CTSE: variants seen among roughly 807,000 people sequenced by gnomAD.
The protein encoded by CTSE is cathepsin E.
A neutral mutation model predicts 42.8 loss-of-function variants in CTSE; 43 were observed. That is an observed-to-expected ratio of 1.01 (90% CI 0.79 to 1.30). The LOEUF is 1.30. Ranked by LOEUF, CTSE falls within the 50% of genes most tolerant of loss-of-function variation. CTSE has a pLI of 0.00. For synonymous variants in CTSE, 205 were observed against 191.5 expected, an observed-to-expected ratio of 1.07 and a Z score of -0.58; for missense variants, 532 against 493.5, an observed-to-expected ratio of 1.08 and a Z score of -0.74.
Position 206,021,090 on chromosome 1 carries a change from T to C in CTSE, c.421A>G (p.Thr141Ala), listed in dbSNP as rs531080133. 1.9e-6 allele frequency: 3 copies of C among 1,613,604 alleles called. No individual in the cohort carries two copies. The highest frequency in any genetic ancestry group is 4.5e-5 in the East Asian group (2 of 44,882). Reference protein sequence around the residue: ...PGQSFSIQYGTGSLSGIIGAD... With the variant: ...PGQSFSIQYGAGSLSGIIGAD... ...CCAATGATCCCGGACAAGCTCCCGG[T>C]TCCATACTGAATGGAGAAAGATTGA... is the stretch of plus-strand genomic sequence containing the variant. The change falls in exon 4 of 9, where the codon ACC becomes GCC. Residue 141 changes from threonine to alanine, a missense_variant. Coordinates refer to ENST00000358184, the MANE Select transcript of CTSE (RefSeq NM_001910.4).
intron 8 of CTSE, among the ~76,000 whole-genome samples, chr1:206,010,841 T>C (rs1205971624): frequency 6.6e-6 from 1 of 152,108 alleles, no homozygotes; most frequent in Non-Finnish European, 1.5e-5. Flanking sequence ...TGACCCCCTT[T>C]AGATGAGGCA....
At chr1:206,016,892 C>T (rs556142734) in intron 4 of CTSE, among the ~76,000 whole-genome samples, 1 of 152,150 alleles carries the variant, frequency 6.6e-6, no homozygotes, top group South Asian at 2.1e-4. Context: ...TGGTGTATTA[C>T]ATATCCATAT....
Position 206,009,762 on chromosome 1 carries a change from A to G in CTSE, c.*421T>C, listed in dbSNP as rs1661030618. The G allele has an allele frequency of 5.4e-6, 1 of 185,264 alleles. No individual in the cohort carries two copies. Among genetic ancestry groups the G allele is most frequent in the African/African-American group, 2.4e-5 (1 of 42,348 alleles). The allele number at this position is 185,264 out of a possible 1,614,324, so 11.5% of individuals were successfully genotyped here. A position where few individuals can be genotyped will look rare whatever the true frequency, so the allele number is the denominator to read the frequency against. ...AGGTACAGCATGTGGAGCTGGAGAGAGGAGTGGGCAGCAGTGTAGATAAAC... is the reference window on the plus strand; with the variant it reads ...AGGTACAGCATGTGGAGCTGGAGAGGGGAGTGGGCAGCAGTGTAGATAAAC... On this transcript the variant is annotated 3_prime_UTR_variant, in exon 9 of 9. Coordinates refer to ENST00000358184, the MANE Select transcript of CTSE (RefSeq NM_001910.4).
chr1:206,015,920 A>G lies in CTSE; in HGVS notation c.662+11T>C. The G allele has an allele frequency of 6.2e-7, 1 of 1,612,736 alleles. No homozygotes were observed. Among genetic ancestry groups the G allele is most frequent in the Non-Finnish European group, 8.5e-7 (1 of 1,178,910 alleles). Reference sequence around the variant, plus strand: ...AACTGACTTTAACCTCACAGACTTGATGGGCCTTACCTGCTCATGTAGACA... The same window carrying G: ...AACTGACTTTAACCTCACAGACTTGGTGGGCCTTACCTGCTCATGTAGACA... On this transcript the variant is annotated intron_variant, in intron 5 of 8. Transcript: ENST00000358184.
rs1661527023 is a variant in CTSE, at chr1:206,023,838, TC to T, written c.-48del. ...CTCCCTTGCCCCCTCCTTTCTTCTC[TC>T]CCCGAGGGCAGTGGGAACGGACTTT... On this transcript the variant is annotated 5_prime_UTR_variant, in exon 1 of 9. Transcript: ENST00000358184. 7.5e-6 allele frequency: 12 copies of T among 1,594,536 alleles called. No homozygotes were observed. The highest frequency in any genetic ancestry group is 9.5e-6 in the Non-Finnish European group (11 of 1,163,174).
intron 7 of CTSE, 32 bp from the exon 8 acceptor site, chr1:206,012,438 C>T (rs782021685): frequency 6.2e-7 from 1 of 1,613,596 alleles, no homozygotes; most frequent in African/African-American, 1.3e-5. Context: ...CCGTTTAGAG[C>T]CTTGCCACCT....
At chr1:206,023,637 C>A (rs1661517599) in intron 1 of CTSE, 87 bp downstream of exon 1, 3 of 1,277,988 alleles carry the variant, frequency 2.3e-6, no homozygotes, top group Non-Finnish European at 2.3e-6. Flanking sequence ...CTCTTCACCT[C>A]CCCATCAGCT....
chr1:206,013,995 C>T (rs2102269032), intron 5 of CTSE, 101 bp from the exon 6 acceptor site: 1 of 1,269,424 alleles, frequency 7.9e-7, no homozygotes, highest in South Asian at 1.3e-5. Context: ...ATGCCAAGCA[C>T]ACAGGTAGGC....
chr1:206,013,873 C>T lies in CTSE; in HGVS notation c.684G>A (p.Gly228=). The T allele has an allele frequency of 1.2e-6, 2 of 1,613,752 alleles. No individual in the cohort carries two copies. The highest frequency in any genetic ancestry group is 1.7e-6 in the Non-Finnish European group (2 of 1,179,856). The change falls in exon 6 of 9, where the codon GGG becomes GGA. Residue 228 remains glycine (G), a synonymous_variant. Coordinates refer to ENST00000358184, the MANE Select transcript of CTSE (RefSeq NM_001910.4). ...CGTAGCCTCCAAAAATCAGCTCGCT[C>T]CCCGCACCACCTTCTGGGTTACTAC... ...YMSSNPEGGA[G]SELIFGGYDH... is the part of the protein sequence containing the mutation.
Position 206,013,706 on chromosome 1 carries a change from C to T in CTSE, c.785+66G>A, listed in dbSNP as rs1489423677. 24 of 1,560,358 alleles carry T rather than the reference C, an allele frequency of 1.5e-5. 1 individual carries two copies. Among genetic ancestry groups the T allele is most frequent in the Middle Eastern group, 1.7e-4 (1 of 5,868 alleles). ...GTGACCAGTGGTTTTTCAGTTAAAT[C>T]GGTTTGAGTTGTGCCTCTTTTCAGT... On this transcript the variant is annotated intron_variant, in intron 6 of 8. Coordinates refer to ENST00000358184, the MANE Select transcript of CTSE (RefSeq NM_001910.4).
intron 8 of CTSE, among the ~76,000 whole-genome samples, chr1:206,011,465 A>G (rs1661097474): frequency 6.6e-6 from 1 of 152,066 alleles, no homozygotes; most frequent in African/African-American, 2.4e-5. Flanking sequence ...ACTGGTCCTC[A>G]GTGTGGTGTT....
chr1:206,010,769 A>G (rs1371914303), intron 8 of CTSE, among the ~76,000 whole-genome samples: 1 of 152,064 alleles, frequency 6.6e-6, no homozygotes, highest in Non-Finnish European at 1.5e-5. Context: ...GGAGAGAAAG[A>G]ACTGTGTTAG....
At chr1:206,010,408 G>A in intron 8 of CTSE, 61 bp from the exon 9 acceptor site, 1 of 1,430,544 alleles carries the variant, frequency 7.0e-7, no homozygotes, top group Non-Finnish European at 9.8e-7. Context: ...AGTACTGCCT[G>A]GAGGCTGCCT....
At chr1:206,020,852 C>T (rs1186965494) in intron 4 of CTSE, among the ~76,000 whole-genome samples, 197 bp downstream of exon 4, 1 of 152,030 alleles carries the variant, frequency 6.6e-6, no homozygotes, top group African/African-American at 2.4e-5. Context: ...GTGCTGCTCT[C>T]CCCCAGGGCC....
At chr1:206,015,370 A>T (rs140131855) in intron 5 of CTSE, among the ~76,000 whole-genome samples, 9 of 152,254 alleles carry the variant, frequency 5.9e-5, no homozygotes, top group Non-Finnish European at 8.8e-5. Context: ...TACCTCACCT[A>T]AGTGGAATCA....
At chr1:206,012,015 G>A (rs1205347158) in intron 8 of CTSE, among the ~76,000 whole-genome samples, 1 of 152,228 alleles carries the variant, frequency 6.6e-6, no homozygotes, top group African/African-American at 2.4e-5. Context: ...GGTGGTTGAG[G>A]AGATTAAACT....
chr1:206,015,716 A>T (rs1234803789), intron 5 of CTSE, among the ~76,000 whole-genome samples: 1 of 152,068 alleles, frequency 6.6e-6, no homozygotes, highest in Non-Finnish European at 1.5e-5. Context: ...AATTTAAGCC[A>T]GTGTGGTAGA....
Position 206,009,488 on chromosome 1 carries a change from A to G in CTSE, c.*695T>C, listed in dbSNP as rs1411008917. The G allele has an allele frequency of 6.6e-6, 1 of 152,130 alleles. No individual in the cohort carries two copies. Among genetic ancestry groups the G allele is most frequent in the African/African-American group, 2.4e-5 (1 of 41,444 alleles). The allele number at this position is 152,130 out of a possible 1,614,324, so 9.4% of individuals were successfully genotyped here. A position where few individuals can be genotyped will look rare whatever the true frequency, so the allele number is the denominator to read the frequency against. ...AGTTCAGAGAACCATGTCAAATGAC[A>G]CCTCGGGATTTCAACCAGCAACGTT... On this transcript the variant is annotated 3_prime_UTR_variant, in exon 9 of 9. Coordinates refer to ENST00000358184, the MANE Select transcript of CTSE (RefSeq NM_001910.4).
At chr1:206,013,567 T>C (rs28602403) in intron 6 of CTSE, among the ~76,000 whole-genome samples, 47,600 of 151,824 alleles carry the variant, frequency 0.31, 10,919 homozygotes, top group African/African-American at 0.65. Context: ...AAGCACGCCA[T>C]GTGTACAAGG....
Sources: gnomAD v4.1 joint callset for allele counts (sites outside exome capture counted in the v4.1 genomes callset) on GRCh38, gnomAD v4.1.1 for gene constraint, MANE v1.5 for transcripts, NCBI Gene and HGNC (gene_info 2026-07-23, HGNC 2026-07-21) for gene names.